ADAMTSL1: variants seen among roughly 807,000 people sequenced by gnomAD.
ADAMTSL1 encodes ADAMTS like 1.
Under a neutral mutation model 201.8 loss-of-function variants are expected in ADAMTSL1, and 126 were observed. The ratio of observed to expected loss-of-function variants is 0.62; its 90% CI spans 0.54 to 0.72. The LOEUF (loss-of-function observed/expected upper bound fraction) is 0.72. Among genes scored for constraint, ADAMTSL1 ranks in the 30% least tolerant of loss-of-function variants. The pLI is 0.00. For synonymous variants in ADAMTSL1, 1,121 were observed against 903.4 expected, an observed-to-expected ratio of 1.24 and a Z score of -4.32; for missense variants, 2,679 against 2,277.8, an observed-to-expected ratio of 1.18 and a Z score of -3.59.
chr9:18,546,607 C>T (rs555183330), intron 3 of ADAMTSL1, among the ~76,000 whole-genome samples: 156 of 152,232 alleles, frequency 1.0e-3, no homozygotes, highest in African/African-American at 3.3e-3. Flanking sequence ...CACTGTTTTA[C>T]AATGTGTAAT....
chr9:18,148,253 A>G (rs1015088122), intron 1 of ADAMTSL1, among the ~76,000 whole-genome samples: 1 of 152,048 alleles, frequency 6.6e-6, no homozygotes. Context: ...TCTACATAGT[A>G]TAAACAAATG....
At chr9:18,125,578 A>C (rs72699447) in intron 1 of ADAMTSL1, among the ~76,000 whole-genome samples, 5,967 of 152,202 alleles carry the variant, frequency 0.039, 157 homozygotes, top group Non-Finnish European at 0.063. Flanking sequence ...TAGATCTGTG[A>C]TCCATTTTGA....
intron 23 of ADAMTSL1, among the ~76,000 whole-genome samples, chr9:18,838,143 A>G (rs1427043030): frequency 6.6e-6 from 1 of 152,084 alleles, no homozygotes; most frequent in Non-Finnish European, 1.5e-5. Context: ...CACGTCTTAC[A>G]TGGATGGTGG....
At chr9:18,720,395 C>A (rs187449187) in intron 14 of ADAMTSL1, among the ~76,000 whole-genome samples, 3 of 152,158 alleles carry the variant, frequency 2.0e-5, no homozygotes, top group Non-Finnish European at 4.4e-5. Context: ...GCGTTGGTAC[C>A]TGGTTAATAA....
At chr9:18,669,231 T>G (rs1180851157) in intron 9 of ADAMTSL1, among the ~76,000 whole-genome samples, 1 of 152,230 alleles carries the variant, frequency 6.6e-6, no homozygotes. Flanking sequence ...TGACGTTTAC[T>G]CAAATCAAAC....
intron 15 of ADAMTSL1, among the ~76,000 whole-genome samples, chr9:18,726,302 A>G (rs1439427304): frequency 6.6e-6 from 1 of 152,174 alleles, no homozygotes; most frequent in African/African-American, 2.4e-5. Context: ...CGGGAGTTCA[A>G]GACCAGCCTG....
intron 19 of ADAMTSL1, among the ~76,000 whole-genome samples, chr9:18,793,858 C>T (rs1822201730): frequency 6.6e-6 from 1 of 152,128 alleles, no homozygotes; most frequent in African/African-American, 2.4e-5. Flanking sequence ...CACTAAGTCA[C>T]CAAGACATCA....
chr9:18,019,711 T>C (rs568677129), intron 1 of ADAMTSL1, among the ~76,000 whole-genome samples: 1 of 152,144 alleles, frequency 6.6e-6, no homozygotes, highest in South Asian at 2.1e-4. Flanking sequence ...GGACTTGGAC[T>C]TAGGGGAACA....
intron 1 of ADAMTSL1, among the ~76,000 whole-genome samples, chr9:17,947,531 A>AT (rs1283519908): frequency 6.6e-6 from 1 of 152,150 alleles, no homozygotes; most frequent in Non-Finnish European, 1.5e-5. Flanking sequence ...AAACAAATAC[A>AT]TTTATTTTCA....
chr9:18,038,771 G>A (rs928532631), intron 1 of ADAMTSL1, among the ~76,000 whole-genome samples: 11 of 152,144 alleles, frequency 7.2e-5, no homozygotes, highest in Non-Finnish European at 1.0e-4. Context: ...TGAGCATAAA[G>A]CATCTAACAA....
chr9:18,635,891 T>G, intron 5 of ADAMTSL1, 52 bp from the exon 6 acceptor site: 1 of 1,504,846 alleles, frequency 6.6e-7, no homozygotes. Flanking sequence ...AGGCAATCAA[T>G]AATTTTGTGT....
rs145915981 is a variant in ADAMTSL1 at position 18,101,032 on chromosome 9, T to C, written c.88-62830T>C. On this transcript the variant is annotated intron_variant, in intron 1 of 29. Transcript: ENST00000680146. ...CATGGGGATATGCTGTCACATACTT[T>C]TGTTGTATATGTTGTCTGTGGGATT... is the stretch of plus-strand genomic sequence containing the variant. 4.6e-3 allele frequency among the ~76,000 whole-genome samples: 696 copies of C among 152,298 alleles called. 9 individuals carry two copies. The highest frequency in any genetic ancestry group is 3.6e-3 in the Non-Finnish European group (243 of 68,018).
chr9:18,895,965 T>A (rs1300946875), intron 26 of ADAMTSL1, among the ~76,000 whole-genome samples: 1 of 152,214 alleles, frequency 6.6e-6, no homozygotes, highest in African/African-American at 2.4e-5. Flanking sequence ...AGAACTGAAT[T>A]GAAAATTTTA....
At chr9:18,737,757 GCAACTTGTC>G (rs1246636781) in intron 15 of ADAMTSL1, among the ~76,000 whole-genome samples, 1 of 152,194 alleles carries the variant, frequency 6.6e-6, no homozygotes, top group Non-Finnish European at 1.5e-5. Context: ...AATGTATTAA[GCAACTTGTC>G]CAAATAGACA....
chr9:18,710,784 C>T (rs1303478419), intron 14 of ADAMTSL1, among the ~76,000 whole-genome samples: 12 of 149,078 alleles, frequency 8.0e-5, no homozygotes, highest in East Asian at 2.0e-4. Flanking sequence ...AATACTGTGG[C>T]TCCTTGTTGG....
At chr9:18,554,551 A>G (rs968862526) in intron 3 of ADAMTSL1, among the ~76,000 whole-genome samples, 3 of 151,818 alleles carry the variant, frequency 2.0e-5, no homozygotes, top group Non-Finnish European at 4.4e-5. Flanking sequence ...TTGTTTCCCA[A>G]ATTGTCATGA....
At chr9:18,896,819 C>T (rs1418399084) in intron 26 of ADAMTSL1, among the ~76,000 whole-genome samples, 1 of 152,184 alleles carries the variant, frequency 6.6e-6, no homozygotes, top group Admixed American at 6.5e-5. Flanking sequence ...TGCTCAGGCT[C>T]ACACAGAGAC....
intron 1 of ADAMTSL1, among the ~76,000 whole-genome samples, chr9:18,021,401 C>A (rs1820476057): frequency 6.6e-6 from 1 of 152,114 alleles, no homozygotes; most frequent in Admixed American, 6.6e-5. Flanking sequence ...TATTTTTCCT[C>A]TGTGGACCCT....
At chr9:18,084,075 T>C (rs939088785) in intron 1 of ADAMTSL1, among the ~76,000 whole-genome samples, 1 of 152,198 alleles carries the variant, frequency 6.6e-6, no homozygotes, top group Admixed American at 6.5e-5. Flanking sequence ...CATTTCCCAT[T>C]GTAGACAAGT....
Sources: gnomAD v4.1 joint callset for allele counts (sites outside exome capture counted in the v4.1 genomes callset) on GRCh38, gnomAD v4.1.1 for gene constraint, MANE v1.5 for transcripts, NCBI Gene and HGNC (gene_info 2026-07-23, HGNC 2026-07-21) for gene names.